The following DGKD variants were observed in gnomAD, a reference collection of about 807,000 sequenced individuals.
The protein encoded by DGKD is diacylglycerol kinase delta, also known as DAG kinase delta.
A neutral mutation model predicts 154.4 loss-of-function variants in DGKD; 68 were observed. The ratio of observed to expected loss-of-function variants is 0.44; its 90% confidence interval spans 0.36 to 0.54. The LOEUF is 0.54. Among genes scored for constraint, DGKD ranks in the 20% least tolerant of loss-of-function variants. The pLI, the probability that DGKD is intolerant of heterozygous loss-of-function variation, is 0.00. For synonymous variants in DGKD, 693 were observed against 638.0 expected (o/e 1.09, Z -1.30); for missense variants, 1,343 against 1,593.6 (o/e 0.84, Z 2.68).
At position 233,449,012 on chromosome 2, in the gene DGKD, A is replaced by C; in HGVS notation, c.1615-91A>C. Reference sequence around the variant, plus strand: ...AGGATTTTCCTTTTGATCGAGTTCTAGGAAGTCTGGGTGAAATGGCCTGAG... The same window carrying C: ...AGGATTTTCCTTTTGATCGAGTTCTCGGAAGTCTGGGTGAAATGGCCTGAG... On this transcript the variant is annotated intron_variant, in intron 14 of 29. Transcript: ENST00000264057. This position sits in a 1 kb window ranked among gnomAD's most constrained non-coding sequence, Gnocchi z 5.3. The C allele has an allele frequency of 6.9e-7, 1 of 1,453,866 alleles. No individual in the cohort carries two copies. The highest frequency in any genetic ancestry group is 9.2e-7 in the Non-Finnish European group (1 of 1,088,302). 90.1% of individuals were successfully genotyped at this position (1,453,866 alleles called of 1,614,324 possible). A position where few individuals can be genotyped will look rare whatever the true frequency, so the allele number is the denominator to read the frequency against.
chr2:233,432,118 G>T (rs58737409), intron 3 of DGKD, among the ~76,000 whole-genome samples: 1 of 144,086 alleles, frequency 6.9e-6, no homozygotes, highest in East Asian at 1.9e-4. Flanking sequence ...ACTGCCAGGC[G>T]TGGTGGCTCA....
Position 233,458,530 on chromosome 2 carries a change from C to CATG in DGKD, c.2694+134_2694+135insTGA. The CATG allele has an allele frequency of 3.5e-6, 2 of 566,824 alleles. No individual in the cohort carries two copies. The highest frequency in any genetic ancestry group is 6.2e-6 in the Non-Finnish European group (2 of 323,308). The allele number at this position is 566,824 out of a possible 1,614,324, so 35.1% of individuals were successfully genotyped here. A position where few individuals can be genotyped will look rare whatever the true frequency, so the allele number is the denominator to read the frequency against. ...TGGCTGCCTCATGTCCTGTCCTGGA[C>CATG]AGCTCGTGGCCCCACTTCCTGGGCC... On this transcript the variant is annotated intron_variant, in intron 22 of 29. Transcript: ENST00000264057. This position sits in a 1 kb window ranked among gnomAD's most constrained non-coding sequence, Gnocchi z 6.6.
At chr2:233,388,542 ATTTC>A in intron 2 of DGKD, 175 bp downstream of exon 2, 2 of 525,822 alleles carry the variant, frequency 3.8e-6, no homozygotes, top group Non-Finnish European at 6.5e-6. Flanking sequence ...GGCATGTTTT[ATTTC>A]TTATCAAAAT....
chr2:233,396,973 G>T (rs1246750172), intron 3 of DGKD, among the ~76,000 whole-genome samples: 1 of 120,552 alleles, frequency 8.3e-6, no homozygotes, highest in African/African-American at 3.2e-5. Context: ...CAGGGTGGCT[G>T]GGGGGGGCAG....
chr2:233,381,681 T>G (rs1223928530), intron 1 of DGKD, among the ~76,000 whole-genome samples: 2 of 152,244 alleles, frequency 1.3e-5, no homozygotes, highest in Admixed American at 6.5e-5. Flanking sequence ...CAAATTATTT[T>G]CTGATTGCTT....
At chr2:233,425,343 C>T (rs1356979931) in intron 3 of DGKD, among the ~76,000 whole-genome samples, 2 of 152,016 alleles carry the variant, frequency 1.3e-5, no homozygotes, top group Admixed American at 6.6e-5. Flanking sequence ...CCCGCCACCA[C>T]GCCTGGCTAA....
Position 233,449,109 on chromosome 2 carries a change from G to T in DGKD, c.1621G>T (p.Val541Phe). ...ATTTCCTTTCCTTGTTCAGTGCTCTGTCCTGAAAGAGAAGCTGGATTCCCT... is the reference window on the plus strand; with the variant it reads ...ATTTCCTTTCCTTGTTCAGTGCTCTTTCCTGAAAGAGAAGCTGGATTCCCT... ...ESEVMAKKCSVLKEKLDSLLK... is the reference protein window; with the variant it reads ...ESEVMAKKCSFLKEKLDSLLK... Residue 541 changes from valine (V) to phenylalanine (F), a missense_variant, in exon 15 of 30, where the codon GTC becomes TTC. By Grantham distance (50) the Val-to-Phe change is conservative (BLOSUM62 -1). Transcript: ENST00000264057. The surrounding 1 kb of genome is among the most constrained non-coding windows in gnomAD (Gnocchi z 5.3). 6.3e-7 allele frequency: 1 copy of T among 1,595,224 alleles called. No homozygotes were observed. Among genetic ancestry groups the T allele is most frequent in the Non-Finnish European group, 8.6e-7 (1 of 1,165,362 alleles).
In DGKD at chr2:233,383,309, G is replaced by A. The variant is rs1702998294; in HGVS notation, c.157-4948G>A. Among the ~76,000 whole-genome samples the A allele has an allele frequency of 2.6e-5, 4 of 152,112 alleles. No homozygotes were observed. The South Asian group carries it at 8.3e-4, about 31-fold the overall frequency. On this transcript the variant is annotated intron_variant, in intron 1 of 29. Transcript: ENST00000264057. Reference sequence around the variant, plus strand: ...ACCTGCTTCGGCCTTCCAAAGTGCTGGAATTACAGGCATGAGCCACCGCGC... The same window carrying A: ...ACCTGCTTCGGCCTTCCAAAGTGCTAGAATTACAGGCATGAGCCACCGCGC...
In DGKD at chr2:233,458,547, T is replaced by G. The variant is rs1312105757; in HGVS notation, c.2694+150T>G. Reference sequence around the variant, plus strand: ...GTCCTGGACAGCTCGTGGCCCCACTTCCTGGGCCAGAGCCCTTTCCTTGTG... The same window carrying G: ...GTCCTGGACAGCTCGTGGCCCCACTGCCTGGGCCAGAGCCCTTTCCTTGTG... On this transcript the variant is annotated intron_variant, in intron 22 of 29. Coordinates refer to ENST00000264057, the MANE Select transcript of DGKD (RefSeq NM_152879.3). This position sits in a 1 kb window ranked among gnomAD's most constrained non-coding sequence, Gnocchi z 6.6. 7 of 514,734 alleles carry G rather than the reference T, an allele frequency of 1.4e-5. No individual in the cohort carries two copies. In the Admixed American group the frequency reaches 1.8e-4, roughly 13 times the overall value. The allele number at this position is 514,734 out of a possible 1,614,324, so 31.9% of individuals were successfully genotyped here. A position where few individuals can be genotyped will look rare whatever the true frequency, so the allele number is the denominator to read the frequency against.
chr2:233,465,209 T>C (rs182228453), intron 27 of DGKD, among the ~76,000 whole-genome samples: 29 of 152,266 alleles, frequency 1.9e-4, no homozygotes, highest in East Asian at 7.7e-4. Context: ...AATAATTCAT[T>C]GTAAAGGTGA....
chr2:233,369,175 TA>T (rs1433194666), intron 1 of DGKD, among the ~76,000 whole-genome samples: 1 of 152,230 alleles, frequency 6.6e-6, no homozygotes, highest in East Asian at 1.9e-4. Context: ...ATCTGTAGGT[TA>T]GACCATCTGT....
Position 233,445,509 on chromosome 2 carries a change from C to T in DGKD, c.1195-114C>T. 4.2e-6 allele frequency: 6 copies of T among 1,428,810 alleles called. No homozygotes were observed. The highest frequency in any genetic ancestry group is 5.6e-6 in the Non-Finnish European group (6 of 1,073,404). 88.5% of individuals were successfully genotyped at this position (1,428,810 alleles called of 1,614,324 possible). On this transcript the variant is annotated intron_variant, in intron 10 of 29. Coordinates refer to ENST00000264057, the MANE Select transcript of DGKD (RefSeq NM_152879.3). This position sits in a 1 kb window ranked among gnomAD's most constrained non-coding sequence, Gnocchi z 5.5. ...GTGTAAGCTGCGTGGTTTTAGGTCA[C>T]GTCCCCACATTGCTAACGTAACCCT... is the stretch of plus-strand genomic sequence containing the variant.
rs537823626 is a variant in DGKD, at chr2:233,463,254, G to C, written c.3186+519G>C. On this transcript the variant is annotated intron_variant, in intron 26 of 29. Transcript: ENST00000264057. ...GGTTTCCCAGCCCTCCACTCCGCAC[G>C]CCACTCACCTCCTCACTGCACGCGT... Among the ~76,000 whole-genome samples the C allele has an allele frequency of 2.0e-5, 3 of 151,846 alleles. No individual in the cohort carries two copies. In the South Asian group the frequency reaches 6.2e-4, roughly 32 times the overall value.
intron 1 of DGKD, chr2:233,385,988 CGTGTGCGTGT>C (rs202178942): frequency 0.026 from 12,355 of 470,616 alleles, 246 homozygotes; most frequent in Middle Eastern, 0.085. Context: ...AAAGATTGTG[CGTGTGCGTGT>C]GTGTGCGTGT....
rs142516146 is a variant in DGKD, at chr2:233,432,123, G to T, written c.349-2257G>T. Among the ~76,000 whole-genome samples the T allele has an allele frequency of 9.7e-3, 1,388 of 143,402 alleles. 15 individuals are homozygous for T. Among genetic ancestry groups the T allele is most frequent in the African/African-American group, 0.028 (923 of 33,496 alleles). The allele number at this position is 143,402 out of a possible 152,430, so 94.1% of individuals were successfully genotyped here. A position where few individuals can be genotyped will look rare whatever the true frequency, so the allele number is the denominator to read the frequency against. On this transcript the variant is annotated intron_variant, in intron 3 of 29. Coordinates refer to ENST00000264057, the MANE Select transcript of DGKD (RefSeq NM_152879.3). ...ATATTTGCAAACTGCCAGGCGTGGT[G>T]GCTCATGCCTGTAATCCCAGCACTT...
intron 3 of DGKD, among the ~76,000 whole-genome samples, chr2:233,426,741 C>T (rs1245927549): frequency 2.0e-5 from 3 of 152,104 alleles, no homozygotes; most frequent in Non-Finnish European, 4.4e-5. Context: ...GTTTGCATTT[C>T]TGTGGGATGC....
At chr2:233,376,975 C>T (rs763174464) in intron 1 of DGKD, among the ~76,000 whole-genome samples, 14 of 151,592 alleles carry the variant, frequency 9.2e-5, no homozygotes, top group Admixed American at 2.6e-4. Context: ...TTTGGTTAAT[C>T]CTTCCATTGT....
intron 1 of DGKD, among the ~76,000 whole-genome samples, chr2:233,356,970 A>G (rs1701556592): frequency 1.3e-5 from 2 of 152,226 alleles, no homozygotes; most frequent in Non-Finnish European, 1.5e-5. Context: ...GAAGGAATGT[A>G]ATCTAGGGGA....
chr2:233,414,778 G>C, intron 3 of DGKD, among the ~76,000 whole-genome samples: 1 of 152,278 alleles, frequency 6.6e-6, no homozygotes. Context: ...AGTTAGTTTT[G>C]GGGGAGAGAA....
Sources: allele counts gnomAD v4.1 joint callset (sites outside exome capture counted in the v4.1 genomes callset), GRCh38; gene constraint gnomAD v4.1.1; non-coding constraint Gnocchi (gnomAD v3.1); transcripts MANE v1.5; gene names NCBI Gene and HGNC (gene_info 2026-07-23, HGNC 2026-07-21).